Variants in ADK observed in about 807,000 individuals in gnomAD.
ADK encodes the protein N6,N6-dimethyladenosine kinase.
A neutral mutation model predicts 44.7 loss-of-function variants in ADK; 24 were observed. The observed-to-expected ratio is 0.54, with a 90% CI of 0.39 to 0.76. ADK has a LOEUF of 0.76. Ranked by LOEUF, ADK falls within the 30% of genes least tolerant of loss-of-function variation. ADK has a pLI of 0.00. For missense variants in ADK, 321 were observed against 425.1 expected (o/e 0.76, Z 2.15); for synonymous variants, 128 against 142.6 (o/e 0.90, Z 0.73).
intron 6 of ADK, among the ~76,000 whole-genome samples, chr10:74,507,947 TA>T (rs1260194522): frequency 2.0e-5 from 3 of 152,196 alleles, no homozygotes; most frequent in Non-Finnish European, 4.4e-5. Context: ...GACATGTTGG[TA>T]AATTCTAACA....
intron 6 of ADK, among the ~76,000 whole-genome samples, chr10:74,408,627 A>G (rs1472935154): frequency 6.6e-6 from 1 of 152,204 alleles, no homozygotes; most frequent in African/African-American, 2.4e-5. Context: ...CTTAACTACT[A>G]ATAGTAGTTA....
chr10:74,585,352 G>T (rs1257472609), intron 7 of ADK, among the ~76,000 whole-genome samples: 1 of 152,132 alleles, frequency 6.6e-6, no homozygotes, highest in Non-Finnish European at 1.5e-5. Flanking sequence ...TATTATGTGA[G>T]TATCATTCAT....
chr10:74,372,084 C>T (rs370703104), intron 4 of ADK: 98 of 753,316 alleles, frequency 1.3e-4, no homozygotes, highest in East Asian at 1.2e-3. Flanking sequence ...GGAAGGTTTG[C>T]GCGCGTGTGG....
At chr10:74,689,827 A>G (rs1226598478) in intron 10 of ADK, among the ~76,000 whole-genome samples, 1 of 152,188 alleles carries the variant, frequency 6.6e-6, no homozygotes, top group Admixed American at 6.5e-5. Context: ...CCCACATCAA[A>G]TCAACAAACT....
At chr10:74,476,291 C>T (rs193121371) in intron 6 of ADK, among the ~76,000 whole-genome samples, 202 of 152,054 alleles carry the variant, frequency 1.3e-3, no homozygotes, top group Non-Finnish European at 2.1e-3. Flanking sequence ...GTCGGGAGTT[C>T]GAGAGCAGCC....
intron 1 of ADK, among the ~76,000 whole-genome samples, chr10:74,154,181 T>G (rs1841689188): frequency 1.3e-5 from 2 of 152,220 alleles, no homozygotes; most frequent in Middle Eastern, 3.4e-3. Context: ...GAAGCAGAGA[T>G]GTATGGGGTC....
chr10:74,180,753 C>T (rs550907017), intron 1 of ADK, among the ~76,000 whole-genome samples: 32 of 152,276 alleles, frequency 2.1e-4, no homozygotes, highest in Admixed American at 1.9e-3. Context: ...CAACCGTGCC[C>T]GGCTGGCCAT....
intron 3 of ADK, among the ~76,000 whole-genome samples, chr10:74,311,840 A>G (rs1224396446): frequency 6.6e-6 from 1 of 152,164 alleles, no homozygotes; most frequent in Non-Finnish European, 1.5e-5. Flanking sequence ...TTCCCAGCAT[A>G]GATATAGATA....
At chr10:74,350,915 C>T (rs1841942294) in intron 4 of ADK, among the ~76,000 whole-genome samples, 1 of 152,134 alleles carries the variant, frequency 6.6e-6, no homozygotes, top group Non-Finnish European at 1.5e-5. Context: ...ATAACAAGTT[C>T]TGAAATTGAG....
chr10:74,433,584 T>C (rs1306364699), intron 6 of ADK, among the ~76,000 whole-genome samples: 2 of 152,244 alleles, frequency 1.3e-5, no homozygotes, highest in Non-Finnish European at 2.9e-5. Flanking sequence ...GGATTAGTTT[T>C]GTAAAGTAAG....
At chr10:74,182,881 G>A (rs1027851968) in intron 1 of ADK, among the ~76,000 whole-genome samples, 1 of 152,058 alleles carries the variant, frequency 6.6e-6, no homozygotes, top group Non-Finnish European at 1.5e-5. Flanking sequence ...TAACAGTCAC[G>A]TCTCCCTACC....
At chr10:74,518,912 C>T (rs1848701219) in intron 6 of ADK, among the ~76,000 whole-genome samples, 1 of 151,984 alleles carries the variant, frequency 6.6e-6, no homozygotes, top group South Asian at 2.1e-4. Context: ...TATTTATGTG[C>T]CATAAGCATT....
chr10:74,309,922 C>T (rs1029176347), intron 3 of ADK, among the ~76,000 whole-genome samples: 3 of 151,774 alleles, frequency 2.0e-5, no homozygotes, highest in African/African-American at 7.3e-5. Context: ...TCTTAATTTG[C>T]TTCTGTTATT....
At chr10:74,617,584 G>C (rs1589301579) in intron 9 of ADK, among the ~76,000 whole-genome samples, 1 of 151,952 alleles carries the variant, frequency 6.6e-6, no homozygotes, top group Middle Eastern at 3.2e-3. Context: ...GATTTGATGT[G>C]ATGTTATTTT....
chr10:74,171,810 CTGTGTGTGTG>C (rs144943440), intron 1 of ADK, among the ~76,000 whole-genome samples: 8 of 144,090 alleles, frequency 5.6e-5, no homozygotes, highest in South Asian at 4.4e-4. Flanking sequence ...CTCTGTCTCT[CTGTGTGTGTG>C]TGTGTGTGTG....
intron 6 of ADK, among the ~76,000 whole-genome samples, chr10:74,491,019 T>G (rs1286302448): frequency 6.6e-6 from 1 of 152,190 alleles, no homozygotes; most frequent in Admixed American, 6.6e-5. Context: ...TCTCAAAAAA[T>G]GTAGTACATT....
chr10:74,363,438 G>A (rs1359963144), intron 4 of ADK, among the ~76,000 whole-genome samples: 1 of 152,096 alleles, frequency 6.6e-6, no homozygotes, highest in Admixed American at 6.5e-5. Context: ...TCTGCTGTTG[G>A]ATGGAGGTTG....
rs577496977 is a variant in ADK at position 74,632,248 on chromosome 10, G to A, written c.877+31755G>A. 1.8e-4 allele frequency among the ~76,000 whole-genome samples: 27 copies of A among 152,166 alleles called. No homozygotes were observed. In the East Asian group the frequency reaches 3.5e-3, roughly 20 times the overall value. On this transcript the variant is annotated intron_variant, in intron 9 of 10. Transcript: ENST00000539909. Reference sequence around the variant, plus strand: ...TTAGGCTTCTTTCACTTAACATAATGTTTTCAAGGTTCATCCACATTATAG... The same window carrying A: ...TTAGGCTTCTTTCACTTAACATAATATTTTCAAGGTTCATCCACATTATAG...
chr10:74,479,372 T>G (rs377636394), intron 6 of ADK, among the ~76,000 whole-genome samples: 2 of 151,760 alleles, frequency 1.3e-5, no homozygotes, highest in South Asian at 2.1e-4. Flanking sequence ...CTCTATCTCT[T>G]TTAGCCACTT....
Sources: allele counts gnomAD v4.1 joint callset (sites outside exome capture counted in the v4.1 genomes callset), GRCh38; gene constraint gnomAD v4.1.1; transcripts MANE v1.5; gene names NCBI Gene and HGNC (gene_info 2026-07-23, HGNC 2026-07-21).